B4GALNT3: variants seen among roughly 807,000 people sequenced by gnomAD.
B4GALNT3 encodes beta-1,4-N-acetyl-galactosaminyltransferase 3.
A neutral mutation model predicts 120.2 loss-of-function variants in B4GALNT3; 86 were observed. The ratio of observed to expected loss-of-function variants is 0.72; its 90% CI spans 0.60 to 0.86. The LOEUF (loss-of-function observed/expected upper bound fraction) is 0.86, where lower values mean the gene tolerates loss of function less well. Ranked by LOEUF, B4GALNT3 falls within the 40% of genes least tolerant of loss-of-function variation. The probability of loss-of-function intolerance (pLI) is 0.00; values close to 1 mark genes in which losing one functional copy is unlikely to be tolerated. For missense variants in B4GALNT3, 1,167 were observed against 1,298.9 expected (o/e 0.90, Z 1.56); for synonymous variants, 518 against 510.4 (o/e 1.01, Z -0.20).
intron 1 of B4GALNT3, among the ~76,000 whole-genome samples, chr12:470,651 G>A (rs1051222161): frequency 5.3e-5 from 8 of 152,212 alleles, no homozygotes; most frequent in East Asian, 1.9e-4. Context: ...GGCAGGGGAC[G>A]TTGCACAGGC....
In B4GALNT3 at chr12:556,018, T is replaced by A. The variant is rs573719695; in HGVS notation, c.2061-529T>A. Among the ~76,000 whole-genome samples, 60 of 151,312 alleles carry A rather than the reference T, an allele frequency of 4.0e-4. 1 individual carries two copies. Among genetic ancestry groups the A allele is most frequent in the African/African-American group, 1.4e-3 (57 of 41,384 alleles). On this transcript the variant is annotated intron_variant, in intron 14 of 19. Transcript: ENST00000266383. Reference sequence around the variant, plus strand: ...CAGGCTGGTCTTGATCTCCTGACCTTGTGATCCACCTGCCTTGGCCTCCCA... The same window carrying A: ...CAGGCTGGTCTTGATCTCCTGACCTAGTGATCCACCTGCCTTGGCCTCCCA...
chr12:482,534 T>A (rs1382634010), intron 1 of B4GALNT3, among the ~76,000 whole-genome samples: 1 of 152,164 alleles, frequency 6.6e-6, no homozygotes, highest in African/African-American at 2.4e-5. Flanking sequence ...TGAGTTCCAA[T>A]AAAGATCAAT....
At chr12:507,072 C>T (rs1946504466) in intron 1 of B4GALNT3, among the ~76,000 whole-genome samples, 1 of 152,228 alleles carries the variant, frequency 6.6e-6, no homozygotes, top group Admixed American at 6.5e-5. Flanking sequence ...AGCCCCGGTA[C>T]ATTTGTCATG....
intron 1 of B4GALNT3, among the ~76,000 whole-genome samples, chr12:464,630 T>TAAAA (rs35653120): frequency 1.4e-5 from 2 of 147,668 alleles, no homozygotes; most frequent in African/African-American, 2.5e-5. Context: ...AGACTCTACT[T>TAAAA]AAAAAAAAAA....
intron 1 of B4GALNT3, among the ~76,000 whole-genome samples, chr12:507,360 G>A (rs1305950915): frequency 6.6e-6 from 1 of 152,210 alleles, no homozygotes; most frequent in Non-Finnish European, 1.5e-5. Context: ...CTGTTGAGTG[G>A]CTTTACCCCA....
intron 1 of B4GALNT3, among the ~76,000 whole-genome samples, chr12:503,897 C>T (rs1036089964): frequency 6.6e-6 from 1 of 152,116 alleles, no homozygotes; most frequent in African/African-American, 2.4e-5. Context: ...GGTGGATTGC[C>T]TGAGGTCAGG....
At chr12:539,449 G>T (rs1276621991) in intron 3 of B4GALNT3, among the ~76,000 whole-genome samples, 2 of 151,184 alleles carry the variant, frequency 1.3e-5, no homozygotes, top group African/African-American at 4.9e-5. Flanking sequence ...CTCGTGGGTT[G>T]TTCACACAGG....
At position 544,962 on chromosome 12, in the gene B4GALNT3, CT is replaced by C; in HGVS notation, c.531del (p.Phe177LeufsTer20). On this transcript the variant is annotated frameshift_variant, in exon 5 of 20. Coordinates refer to ENST00000266383, the MANE Select transcript of B4GALNT3 (RefSeq NM_173593.4). LOFTEE classifies it high-confidence loss of function. ...GLRIFGYLHP[F>X]TDGKIQFAIA... is the part of the protein sequence containing the mutation. ...TCCGCATCTTTGGCTACCTGCACCC[CT>C]TTACTGATGGTGAGGCCAGCCCCAA... is the stretch of plus-strand genomic sequence containing the variant. 1 of 1,613,988 alleles carries C rather than the reference CT, an allele frequency of 6.2e-7. No individual in the cohort carries two copies. The highest frequency in any genetic ancestry group is 1.1e-5 in the South Asian group (1 of 91,076).
At chr12:504,799 C>G (rs1247242094) in intron 1 of B4GALNT3, among the ~76,000 whole-genome samples, 2 of 152,100 alleles carry the variant, frequency 1.3e-5, no homozygotes, top group Admixed American at 6.6e-5. Flanking sequence ...CCCTTCTGCC[C>G]TTAATTCCCT....
chr12:527,122 T>A (rs1946765343), intron 1 of B4GALNT3, among the ~76,000 whole-genome samples: 1 of 152,096 alleles, frequency 6.6e-6, no homozygotes, highest in Non-Finnish European at 1.5e-5. Context: ...GAAACGAGGT[T>A]TCACCATGTT....
chr12:554,006 G>A (rs200360489), intron 14 of B4GALNT3, 23 bp downstream of exon 14: 90 of 1,552,258 alleles, frequency 5.8e-5, no homozygotes, highest in African/African-American at 3.9e-4. Context: ...GCTCTCCTGG[G>A]GCCAGGGACT....
At chr12:470,870 C>A (rs1156364104) in intron 1 of B4GALNT3, among the ~76,000 whole-genome samples, 1 of 151,916 alleles carries the variant, frequency 6.6e-6, no homozygotes, top group Non-Finnish European at 1.5e-5. Context: ...TCCCGAGTAG[C>A]TGGGATTACA....
chr12:547,114 G>A (rs1204523533), intron 7 of B4GALNT3, among the ~76,000 whole-genome samples: 3 of 152,198 alleles, frequency 2.0e-5, no homozygotes, highest in African/African-American at 7.2e-5. Flanking sequence ...GCCTCAGAGC[G>A]CCCCCTGGTG....
chr12:507,782 C>G (rs1946512376), intron 1 of B4GALNT3, among the ~76,000 whole-genome samples: 1 of 146,504 alleles, frequency 6.8e-6, no homozygotes, highest in Non-Finnish European at 1.5e-5. Flanking sequence ...ATTCCTGCCC[C>G]TGGAAATCCA....
chr12:507,578 C>T (rs1448626892), intron 1 of B4GALNT3, among the ~76,000 whole-genome samples: 1 of 152,220 alleles, frequency 6.6e-6, no homozygotes, highest in South Asian at 2.1e-4. Flanking sequence ...CTTCACCCCA[C>T]GCCCTCCACC....
rs1390812552 is a variant in B4GALNT3 at position 498,631 on chromosome 12, C to A, written c.170-36535C>A. On this transcript the variant is annotated intron_variant, in intron 1 of 19. Transcript: ENST00000266383. ...AGGCATCATAGAAGGAAGAAAAGTT[C>A]CAGATTGGAATGACAAGCTGAGAAA... Among the ~76,000 whole-genome samples the A allele has an allele frequency of 2.1e-5, 3 of 144,692 alleles. No homozygotes were observed. The South Asian group carries it at 6.5e-4, about 31-fold the overall frequency. 94.9% of individuals were successfully genotyped at this position (144,692 alleles called of 152,430 possible). A position where few individuals can be genotyped will look rare whatever the true frequency, so the allele number is the denominator to read the frequency against.
intron 1 of B4GALNT3, among the ~76,000 whole-genome samples, chr12:514,586 A>G (rs905691839): frequency 7.2e-5 from 11 of 152,180 alleles, no homozygotes; most frequent in African/African-American, 2.7e-4. Flanking sequence ...AACATTAGTT[A>G]TGGTGGGGAG....
At chr12:472,930 G>A (rs1946151105) in intron 1 of B4GALNT3, among the ~76,000 whole-genome samples, 1 of 151,136 alleles carries the variant, frequency 6.6e-6, no homozygotes, top group Non-Finnish European at 1.5e-5. Context: ...TGGAGGGAGT[G>A]TTTTCTTTTT....
At chr12:561,240 C>T in intron 19 of B4GALNT3, 103 bp from the exon 20 acceptor site, 1 of 837,988 alleles carries the variant, frequency 1.2e-6, no homozygotes, top group Admixed American at 2.1e-5. Flanking sequence ...ACCTGCCTTC[C>T]CTGCCCCGTG....
Sources: gnomAD v4.1 joint callset for allele counts (sites outside exome capture counted in the v4.1 genomes callset) on GRCh38, gnomAD v4.1.1 for gene constraint, MANE v1.5 for transcripts, NCBI Gene and HGNC (gene_info 2026-07-23, HGNC 2026-07-21) for gene names.